PCDHA6: variants seen among roughly 807,000 people sequenced by gnomAD.
PCDHA6 encodes protocadherin alpha 6.
In PCDHA6, 55 loss-of-function variants were observed where a neutral mutation model predicts 60.3. That is an observed-to-expected ratio of 0.91 (90% CI 0.73 to 1.14). The LOEUF is 1.14. Ranked by LOEUF, PCDHA6 falls within the 50% of genes most tolerant of loss-of-function variation. The probability of loss-of-function intolerance (pLI) is 0.00; values close to 1 mark genes in which losing one functional copy is unlikely to be tolerated. For synonymous variants in PCDHA6, 652 were observed against 557.9 expected, an observed-to-expected ratio of 1.17 and a Z score of -2.38; for missense variants, 1,327 against 1,256.5, an observed-to-expected ratio of 1.06 and a Z score of -0.85.
At chr5:140,909,523 C>G (rs1265179214) in intron 1 of PCDHA6, among the ~76,000 whole-genome samples, 1 of 152,172 alleles carries the variant, frequency 6.6e-6, no homozygotes, top group Non-Finnish European at 1.5e-5. Context: ...AACCCCTGCA[C>G]ATTTTGAGTC....
rs2150177047 is a variant in PCDHA6, at chr5:140,829,888, C to A, written c.1797C>A (p.Ala599=). 3 of 1,613,910 alleles carry A rather than the reference C, an allele frequency of 1.9e-6. No homozygotes were observed. The South Asian group carries it at 3.3e-5, about 18-fold the overall frequency. The change falls in exon 1 of 4, where the codon GCC becomes GCA. Residue 599 remains alanine (A), a synonymous_variant. Transcript: ENST00000529310. ...TGGCGAAGGTGCGCGCAGTTGACGCCGACTCAGGCTACAACGCGTGGCTTT... is the reference window on the plus strand; with the variant it reads ...TGGCGAAGGTGCGCGCAGTTGACGCAGACTCAGGCTACAACGCGTGGCTTT... ...QVVAKVRAVD[A]DSGYNAWLSY...
In PCDHA6 at chr5:140,842,984, G is replaced by A. The variant is rs2150349206; in HGVS notation, c.2394+12499G>A. 26 of 1,594,918 alleles carry A rather than the reference G, an allele frequency of 1.6e-5. 1 individual carries two copies. The East Asian group carries it at 4.7e-4, about 29-fold the overall frequency. On this transcript the variant is annotated intron_variant, in intron 1 of 3. Coordinates refer to ENST00000529310, the MANE Select transcript of PCDHA6 (RefSeq NM_018909.4). ...CAGCAACGTGACGCTGCAGGTGTTCGTGCTGGACGAGAATGACAACGCGCC... is the reference window on the plus strand; with the variant it reads ...CAGCAACGTGACGCTGCAGGTGTTCATGCTGGACGAGAATGACAACGCGCC...
intron 1 of PCDHA6, among the ~76,000 whole-genome samples, chr5:140,904,631 G>A (rs150616068): frequency 0.029 from 4,338 of 152,074 alleles, 82 homozygotes; most frequent in Non-Finnish European, 0.044. Flanking sequence ...GTTCTTTAAG[G>A]AATCTCCACA....
At chr5:140,837,219 T>A (rs935838463) in intron 1 of PCDHA6, 1 of 152,352 alleles carries the variant, frequency 6.6e-6, no homozygotes, top group African/African-American at 2.4e-5. Context: ...ACTTGAATTT[T>A]AAGCATTTCT....
intron 1 of PCDHA6, among the ~76,000 whole-genome samples, chr5:140,955,118 G>C (rs2095139401): frequency 6.6e-6 from 1 of 152,058 alleles, no homozygotes; most frequent in African/African-American, 2.4e-5. Flanking sequence ...TCTCTATTCT[G>C]TTCCACTGGT....
At chr5:140,946,588 A>G (rs2093966025) in intron 1 of PCDHA6, among the ~76,000 whole-genome samples, 1 of 147,134 alleles carries the variant, frequency 6.8e-6, no homozygotes, top group South Asian at 2.1e-4. Context: ...TTCATAGTGG[A>G]TGAATAGATA....
chr5:140,853,680 C>T (rs142269623), intron 1 of PCDHA6: 5 of 988,078 alleles, frequency 5.1e-6, no homozygotes, highest in Non-Finnish European at 6.1e-6. Flanking sequence ...TATGGTCAAC[C>T]TATCCTTAGA....
At chr5:141,006,406 G>A (rs553100919) in intron 3 of PCDHA6, among the ~76,000 whole-genome samples, 1 of 152,050 alleles carries the variant, frequency 6.6e-6, no homozygotes, top group East Asian at 1.9e-4. Context: ...GTAGAGACGC[G>A]GTTTCACTGT....
intron 1 of PCDHA6, chr5:140,847,977 G>A (rs1781271032): frequency 6.4e-6 from 1 of 155,600 alleles, no homozygotes; most frequent in Non-Finnish European, 1.4e-5. Context: ...CGAGCCATAT[G>A]GGAGATTCTG....
chr5:140,882,213 T>C, intron 1 of PCDHA6: 2 of 1,538,576 alleles, frequency 1.3e-6, no homozygotes, highest in Non-Finnish European at 1.8e-6. Flanking sequence ...TGAGAGACAG[T>C]TTGAGGTAAG....
At chr5:140,848,380 T>A in intron 1 of PCDHA6, 1 of 1,186,720 alleles carries the variant, frequency 8.4e-7, no homozygotes, top group Non-Finnish European at 1.2e-6. Context: ...CAATTCTTTT[T>A]CACTCTCTCT....
intron 1 of PCDHA6, chr5:140,929,118 A>G: frequency 2.5e-6 from 4 of 1,614,150 alleles, no homozygotes; most frequent in Non-Finnish European, 3.4e-6. Flanking sequence ...CAGCCACCAT[A>G]GATGTCACTA....
At chr5:140,888,673 A>T (rs571585641) in intron 1 of PCDHA6, among the ~76,000 whole-genome samples, 1 of 152,298 alleles carries the variant, frequency 6.6e-6, no homozygotes, top group Admixed American at 6.5e-5. Context: ...TGCCCTGTGC[A>T]TTAAGAGGTC....
chr5:140,841,795 C>G (rs2150322842), intron 1 of PCDHA6: 8 of 1,613,824 alleles, frequency 5.0e-6, no homozygotes, highest in Non-Finnish European at 6.8e-6. Flanking sequence ...AGGGCGCGTC[C>G]GATGCAGATG....
At chr5:140,840,202 A>G (rs1426103909) in intron 1 of PCDHA6, among the ~76,000 whole-genome samples, 1 of 152,086 alleles carries the variant, frequency 6.6e-6, no homozygotes, top group African/African-American at 2.4e-5. Flanking sequence ...AAGGAAAAGA[A>G]GTCATAAAAA....
At chr5:140,951,395 G>A (rs1036290024) in intron 1 of PCDHA6, among the ~76,000 whole-genome samples, 1 of 152,030 alleles carries the variant, frequency 6.6e-6, no homozygotes, top group African/African-American at 2.4e-5. Flanking sequence ...AATTTATAAA[G>A]AAAAGAGGTT....
At chr5:140,936,519 G>A (rs77875081) in intron 1 of PCDHA6, among the ~76,000 whole-genome samples, 2,263 of 152,276 alleles carry the variant, frequency 0.015, 25 homozygotes, top group Non-Finnish European at 0.022. Context: ...TAAATTACCT[G>A]AAATTGCTTT....
In PCDHA6 at chr5:140,858,699, A is replaced by T; in HGVS notation, c.2394+28214A>T. ...GAATACACTAATATTTTCCAATACAAATATGTGATATAGGTTGCAGTTCTG... is the reference window on the plus strand; with the variant it reads ...GAATACACTAATATTTTCCAATACATATATGTGATATAGGTTGCAGTTCTG... On this transcript the variant is annotated intron_variant, in intron 1 of 3. Coordinates refer to ENST00000529310, the MANE Select transcript of PCDHA6 (RefSeq NM_018909.4). 3.6e-6 allele frequency: 2 copies of T among 561,894 alleles called. 1 individual carries two copies. The highest frequency in any genetic ancestry group is 6.1e-6 in the Non-Finnish European group (2 of 326,852). 34.8% of individuals were successfully genotyped at this position (561,894 alleles called of 1,614,324 possible).
chr5:140,903,955 A>G (rs536986744), intron 1 of PCDHA6, among the ~76,000 whole-genome samples: 1 of 152,308 alleles, frequency 6.6e-6, no homozygotes, highest in Non-Finnish European at 1.5e-5. Context: ...CTGGAAAATT[A>G]TTTGTTGATT....
Sources: gnomAD v4.1 joint callset for allele counts (sites outside exome capture counted in the v4.1 genomes callset) on GRCh38, gnomAD v4.1.1 for gene constraint, MANE v1.5 for transcripts, NCBI Gene and HGNC (gene_info 2026-07-23, HGNC 2026-07-21) for gene names.